Variants in NALF1 observed in about 807,000 individuals in gnomAD.
NALF1 encodes the protein family with sequence similarity 155 member A.
In NALF1, 3 loss-of-function variants were observed where a neutral mutation model predicts 48.4. That is an observed-to-expected ratio of 0.06 (90% confidence interval 0.03 to 0.16). The LOEUF (loss-of-function observed/expected upper bound fraction) is 0.16. Among genes scored for constraint, NALF1 ranks in the 10% least tolerant of loss-of-function variants. The probability of loss-of-function intolerance (pLI) is 1.00; values close to 1 mark genes in which losing one functional copy is unlikely to be tolerated. For synonymous variants in NALF1, 262 were observed against 245.7 expected (o/e 1.07, Z -0.62); for missense variants, 526 against 571.5 (o/e 0.92, Z 0.81).
chr13:107,247,314 A>G (rs992398143), intron 1 of NALF1, among the ~76,000 whole-genome samples: 6 of 152,210 alleles, frequency 3.9e-5, no homozygotes, highest in African/African-American at 1.2e-4. Context: ...TGTGTCTAGT[A>G]TCCTCTATTA....
At chr13:107,824,936 G>C (rs899735583) in intron 1 of NALF1, among the ~76,000 whole-genome samples, 2 of 152,138 alleles carry the variant, frequency 1.3e-5, no homozygotes, top group Admixed American at 1.3e-4. Flanking sequence ...GTACTAAAAT[G>C]CTTTCCACCT....
chr13:107,283,805 G>A (rs977989005), intron 1 of NALF1, among the ~76,000 whole-genome samples: 5 of 151,434 alleles, frequency 3.3e-5, no homozygotes, highest in South Asian at 2.1e-4. Flanking sequence ...GACTACAGGC[G>A]CCCGCCACTA....
At chr13:107,372,178 C>T (rs1216537930) in intron 1 of NALF1, among the ~76,000 whole-genome samples, 2 of 152,200 alleles carry the variant, frequency 1.3e-5, no homozygotes, top group East Asian at 1.9e-4. Context: ...TTTCTTTCGT[C>T]TTTCAGACTC....
At chr13:107,509,814 A>T (rs1340683315) in intron 1 of NALF1, among the ~76,000 whole-genome samples, 1 of 151,946 alleles carries the variant, frequency 6.6e-6, no homozygotes, top group Non-Finnish European at 1.5e-5. Flanking sequence ...TATTATTATT[A>T]TTATTTTTTG....
intron 1 of NALF1, among the ~76,000 whole-genome samples, chr13:107,355,580 C>T (rs1438772648): frequency 6.6e-6 from 1 of 152,026 alleles, no homozygotes; most frequent in African/African-American, 2.4e-5. Flanking sequence ...CCCCTTGCTG[C>T]TCTCATGAGT....
intron 1 of NALF1, among the ~76,000 whole-genome samples, chr13:107,215,045 C>T (rs927562432): frequency 3.1e-4 from 47 of 152,066 alleles, no homozygotes; most frequent in African/African-American, 1.1e-3. Context: ...TTGGATACGT[C>T]GGGGTCTCTG....
intron 1 of NALF1, among the ~76,000 whole-genome samples, chr13:107,691,663 A>T (rs1436091574): frequency 1.3e-5 from 2 of 152,214 alleles, no homozygotes; most frequent in Admixed American, 1.3e-4. Context: ...CTATATATGA[A>T]TGTTGTGCTT....
At chr13:107,858,342 C>A (rs970213391) in intron 1 of NALF1, among the ~76,000 whole-genome samples, 1 of 152,056 alleles carries the variant, frequency 6.6e-6, no homozygotes, top group Non-Finnish European at 1.5e-5. Flanking sequence ...GTAAATATTT[C>A]TAATCAAAAG....
intron 1 of NALF1, among the ~76,000 whole-genome samples, chr13:107,323,331 G>T (rs1882291757): frequency 6.6e-6 from 1 of 152,124 alleles, no homozygotes; most frequent in African/African-American, 2.4e-5. Flanking sequence ...CACCAATCTT[G>T]CTTCATTTCA....
intron 1 of NALF1, among the ~76,000 whole-genome samples, chr13:107,237,089 G>T (rs372642847): frequency 1.0e-4 from 15 of 145,234 alleles, no homozygotes; most frequent in African/African-American, 3.0e-4. Context: ...ACTGTATGTG[G>T]TTTTTTTTTT....
chr13:107,354,196 G>A (rs1882922943), intron 1 of NALF1, among the ~76,000 whole-genome samples: 1 of 152,138 alleles, frequency 6.6e-6, no homozygotes, highest in South Asian at 2.1e-4. Flanking sequence ...TGTAACTTGT[G>A]GACAGGGCAG....
At chr13:107,854,728 G>C (rs886302805) in intron 1 of NALF1, among the ~76,000 whole-genome samples, 1 of 151,996 alleles carries the variant, frequency 6.6e-6, no homozygotes, top group Non-Finnish European at 1.5e-5. Context: ...AAAAAAATTA[G>C]CCACGCACGG....
chr13:107,688,871 T>G (rs958464841), intron 1 of NALF1, among the ~76,000 whole-genome samples: 35 of 152,142 alleles, frequency 2.3e-4, no homozygotes, highest in African/African-American at 7.7e-4. Context: ...GTGACCGAAA[T>G]GCATTACCTA....
chr13:107,524,942 C>CAGAA (rs1469965866), intron 1 of NALF1, among the ~76,000 whole-genome samples: 2 of 150,380 alleles, frequency 1.3e-5, no homozygotes, highest in Non-Finnish European at 3.0e-5. Flanking sequence ...AACTTGTTCT[C>CAGAA]AGAGAGAGAG....
At chr13:107,405,515 T>G (rs569638675) in intron 1 of NALF1, among the ~76,000 whole-genome samples, 2 of 152,074 alleles carry the variant, frequency 1.3e-5, no homozygotes, top group Non-Finnish European at 2.9e-5. Flanking sequence ...CCTTTCAAGT[T>G]GGCCAAAATT....
Position 107,634,225 on chromosome 13 carries a change from C to T in NALF1, c.915+231457G>A, listed in dbSNP as rs551408222. On this transcript the variant is annotated intron_variant, in intron 1 of 2. Coordinates refer to ENST00000375915, the MANE Select transcript of NALF1 (RefSeq NM_001080396.3). ...GGCAAAGATGGTGGGGAGGCAGTGA[C>T]TAACTGCCTAGTTTACTCTCCTCCC... Among the ~76,000 whole-genome samples, 9 of 152,100 alleles carry T rather than the reference C, an allele frequency of 5.9e-5. No individual in the cohort carries two copies. The South Asian group carries it at 1.9e-3, about 32-fold the overall frequency.
chr13:107,254,026 T>C (rs76696610), intron 1 of NALF1, among the ~76,000 whole-genome samples: 12,899 of 144,798 alleles, frequency 0.089, 774 homozygotes, highest in African/African-American at 0.14. Context: ...AAAGTAGTTC[T>C]CTTTTATAAC....
At chr13:107,857,107 T>C (rs1880456605) in intron 1 of NALF1, among the ~76,000 whole-genome samples, 2 of 152,226 alleles carry the variant, frequency 1.3e-5, no homozygotes, top group Non-Finnish European at 2.9e-5. Flanking sequence ...AGGGTAATCC[T>C]GTTTTCATTC....
intron 1 of NALF1, among the ~76,000 whole-genome samples, chr13:107,745,281 T>C (rs1172930232): frequency 1.3e-5 from 2 of 152,192 alleles, no homozygotes; most frequent in Non-Finnish European, 2.9e-5. Context: ...AGAAAAGCAC[T>C]GGATCAAGAG....
Sources: allele counts gnomAD v4.1 joint callset (sites outside exome capture counted in the v4.1 genomes callset), GRCh38; gene constraint gnomAD v4.1.1; transcripts MANE v1.5; gene names NCBI Gene and HGNC (gene_info 2026-07-23, HGNC 2026-07-21).